Variants in CDH12 observed in about 807,000 individuals in gnomAD.
The protein encoded by CDH12 is cadherin-12.
In CDH12, 41 loss-of-function variants were observed where a neutral mutation model predicts 74.1. The ratio of observed to expected loss-of-function variants is 0.55; its 90% CI spans 0.43 to 0.72. The LOEUF is 0.72. Ranked by LOEUF, CDH12 falls within the 30% of genes least tolerant of loss-of-function variation. The pLI, the probability that CDH12 is intolerant of heterozygous loss-of-function variation, is 0.00. For missense variants in CDH12, 945 were observed against 977.2 expected (o/e 0.97, Z 0.44); for synonymous variants, 399 against 355.0 (o/e 1.12, Z -1.39).
chr5:22,329,971 C>G (rs1739278686), intron 3 of CDH12, among the ~76,000 whole-genome samples: 1 of 152,168 alleles, frequency 6.6e-6, no homozygotes, highest in Admixed American at 6.5e-5. Context: ...CTAGGCTGGG[C>G]TTAGAGCCAG....
chr5:22,089,462 A>G (rs1472754284), intron 4 of CDH12, among the ~76,000 whole-genome samples: 1 of 152,194 alleles, frequency 6.6e-6, no homozygotes, highest in Non-Finnish European at 1.5e-5. Context: ...AACCAAATGT[A>G]ACAATGCATA....
At chr5:22,635,870 T>C (rs1385110266) in intron 1 of CDH12, among the ~76,000 whole-genome samples, 1 of 152,018 alleles carries the variant, frequency 6.6e-6, no homozygotes, top group Non-Finnish European at 1.5e-5. Flanking sequence ...GAGGAGATTG[T>C]GCCCACTGCT....
chr5:22,316,375 T>C (rs960677036), intron 3 of CDH12, among the ~76,000 whole-genome samples: 3 of 152,080 alleles, frequency 2.0e-5, no homozygotes, highest in Admixed American at 1.3e-4. Context: ...AATAAAAAGT[T>C]TGTAGAAGAC....
At chr5:22,789,811 C>G (rs1265226476) in intron 1 of CDH12, among the ~76,000 whole-genome samples, 2 of 151,218 alleles carry the variant, frequency 1.3e-5, no homozygotes, top group Non-Finnish European at 3.0e-5. Context: ...TTCATTTTAC[C>G]AATGATGATG....
chr5:22,342,188 G>A (rs1165052087), intron 3 of CDH12, among the ~76,000 whole-genome samples: 1 of 151,986 alleles, frequency 6.6e-6, no homozygotes, highest in Non-Finnish European at 1.5e-5. Context: ...ATCTCCCAAA[G>A]GTCCCACTTC....
At chr5:22,474,813 G>A (rs566472627) in intron 2 of CDH12, among the ~76,000 whole-genome samples, 1 of 152,102 alleles carries the variant, frequency 6.6e-6, no homozygotes, top group East Asian at 1.9e-4. Context: ...TGTCCCCAAA[G>A]CAGGTCCAAC....
intron 3 of CDH12, among the ~76,000 whole-genome samples, chr5:22,400,036 T>G (rs1000165243): frequency 9.2e-5 from 14 of 152,158 alleles, no homozygotes; most frequent in Non-Finnish European, 1.9e-4. Context: ...CCTGGACTCC[T>G]CCCTTCCTAA....
chr5:22,188,888 C>T (rs566566727), intron 4 of CDH12, among the ~76,000 whole-genome samples: 1 of 152,172 alleles, frequency 6.6e-6, no homozygotes. Context: ...TAATGTGAAG[C>T]TATCCCCATT....
intron 1 of CDH12, among the ~76,000 whole-genome samples, chr5:22,590,673 T>C (rs1740654143): frequency 6.6e-6 from 1 of 152,226 alleles, no homozygotes; most frequent in Non-Finnish European, 1.5e-5. Context: ...ATTAAATTAC[T>C]GTTGTCTTAT....
chr5:22,273,116 A>T (rs1736475131), intron 3 of CDH12, among the ~76,000 whole-genome samples: 1 of 152,164 alleles, frequency 6.6e-6, no homozygotes, highest in Non-Finnish European at 1.5e-5. Context: ...TTACAATTGG[A>T]TTGCAATTCT....
At chr5:21,934,921 C>G (rs1301076954) in intron 6 of CDH12, among the ~76,000 whole-genome samples, 5 of 151,976 alleles carry the variant, frequency 3.3e-5, no homozygotes, top group South Asian at 4.2e-4. Flanking sequence ...CGAGTAACTG[C>G]GACTACAGGC....
chr5:22,320,291 A>G (rs1738813209), intron 3 of CDH12, among the ~76,000 whole-genome samples: 1 of 152,198 alleles, frequency 6.6e-6, no homozygotes, highest in Non-Finnish European at 1.5e-5. Context: ...TTTAAAATTA[A>G]TATGTCTTAT....
At chr5:21,755,095 C>T (rs1336324265) in intron 14 of CDH12, among the ~76,000 whole-genome samples, 3 of 152,168 alleles carry the variant, frequency 2.0e-5, no homozygotes, top group Non-Finnish European at 4.4e-5. Context: ...TTGAGGATTA[C>T]TTTACATTCT....
chr5:22,790,946 A>G (rs990425659), intron 1 of CDH12, among the ~76,000 whole-genome samples: 2 of 152,170 alleles, frequency 1.3e-5, no homozygotes, highest in African/African-American at 4.8e-5. Context: ...ACTAAACATG[A>G]AGGACCTTTC....
At chr5:21,791,219 A>C (rs1376123076) in intron 10 of CDH12, among the ~76,000 whole-genome samples, 1 of 152,108 alleles carries the variant, frequency 6.6e-6, no homozygotes, top group Non-Finnish European at 1.5e-5. Flanking sequence ...GCCTGACTAA[A>C]GCACAAATAT....
chr5:21,987,162 C>G (rs183375216), intron 5 of CDH12, among the ~76,000 whole-genome samples: 1 of 151,300 alleles, frequency 6.6e-6, no homozygotes. Context: ...TTTTAAATAC[C>G]CTTTTGTTTA....
intron 3 of CDH12, among the ~76,000 whole-genome samples, chr5:22,324,256 ATCTTT>A (rs1333652126): frequency 1.3e-5 from 2 of 152,096 alleles, no homozygotes; most frequent in Non-Finnish European, 2.9e-5. Context: ...ATTTCAGTTA[ATCTTT>A]TCATTTTAAG....
chr5:22,540,642 A>G (rs922048703), intron 1 of CDH12, among the ~76,000 whole-genome samples: 33 of 152,164 alleles, frequency 2.2e-4, no homozygotes, highest in African/African-American at 7.7e-4. Flanking sequence ...TTAGTACCTT[A>G]CTAGTCTGGT....
chr5:22,679,458 A>T (rs1741375724), intron 1 of CDH12, among the ~76,000 whole-genome samples: 1 of 152,084 alleles, frequency 6.6e-6, no homozygotes, highest in African/African-American at 2.4e-5. Context: ...CTTTTCCAAA[A>T]ATTTTAATTA....
Sources: gnomAD v4.1 joint callset for allele counts (sites outside exome capture counted in the v4.1 genomes callset) on GRCh38, gnomAD v4.1.1 for gene constraint, MANE v1.5 for transcripts, NCBI Gene and HGNC (gene_info 2026-07-23, HGNC 2026-07-21) for gene names.